FAM200A: variants seen among roughly 807,000 people sequenced by gnomAD.
FAM200A encodes the protein ZBED8 like.
FAM200A carries 26 observed loss-of-function variants against 44.2 expected under a neutral mutation model. The observed-to-expected ratio is 0.59, with a 90% confidence interval of 0.43 to 0.82. FAM200A has a LOEUF of 0.82. Among genes scored for constraint, FAM200A ranks in the 40% least tolerant of loss-of-function variants. The probability of loss-of-function intolerance (pLI) is 0.00; values close to 1 mark genes in which losing one functional copy is unlikely to be tolerated. For synonymous variants in FAM200A, 206 were observed against 244.4 expected (o/e 0.84, Z 1.47); for missense variants, 606 against 669.5 (o/e 0.91, Z 1.05).
upstream of FAM200A, among the ~76,000 whole-genome samples, chr7:99,553,097 A>ATTTTTTTTTTT (rs1433320975): frequency 2.6e-5 from 2 of 78,190 alleles, no homozygotes; most frequent in African/African-American, 1.8e-4. Flanking sequence ...ATATATATAT[A>ATTTTTTTTTTT]TATTTTTTTT....
At chr7:99,549,177 T>TTTTTTTTTTTTTTTTGAG (rs1554394154) in intron 1 of FAM200A, among the ~76,000 whole-genome samples, 1 of 147,614 alleles carries the variant, frequency 6.8e-6, no homozygotes, top group African/African-American at 2.5e-5. Context: ...TTGTATTTCT[T>TTTTTTTTTTTTTTTTGAG]AAAAATAAGA....
upstream of FAM200A, among the ~76,000 whole-genome samples, chr7:99,553,099 A>ATATTT (rs1254408398): frequency 6.5e-5 from 4 of 61,416 alleles, no homozygotes; most frequent in African/African-American, 2.0e-4. Flanking sequence ...ATATATATAT[A>ATATTT]TTTTTTTTTT....
chr7:99,553,285 A>C (rs1367656820), upstream of FAM200A, among the ~76,000 whole-genome samples: 2 of 151,098 alleles, frequency 1.3e-5, no homozygotes, highest in Non-Finnish European at 2.9e-5. Flanking sequence ...ACATTGCTAC[A>C]CACTGTATTT....
At chr7:99,553,095 A>T (rs1285999844), upstream of FAM200A, among the ~76,000 whole-genome samples, 531 of 88,748 alleles carry the variant, frequency 6.0e-3, 4 homozygotes, top group East Asian at 0.016. Flanking sequence ...ATATATATAT[A>T]TATATTTTTT....
chr7:99,553,864 A>G (rs1802623529), upstream of FAM200A, among the ~76,000 whole-genome samples: 1 of 152,202 alleles, frequency 6.6e-6, no homozygotes, highest in African/African-American at 2.4e-5. Flanking sequence ...ATGAGTATGC[A>G]CCATGAATTT....
chr7:99,553,109 T>A (rs1157479277), upstream of FAM200A, among the ~76,000 whole-genome samples: 30 of 127,056 alleles, frequency 2.4e-4, no homozygotes, highest in African/African-American at 8.0e-4. Context: ...ATTTTTTTTT[T>A]TTTTTTTTTC....
chr7:99,555,925 AAAT>A (rs1371251379), upstream of FAM200A, among the ~76,000 whole-genome samples: 4 of 152,138 alleles, frequency 2.6e-5, no homozygotes, highest in African/African-American at 4.8e-5. Flanking sequence ...AAATAGTAAT[AAAT>A]AAAAAGTGGA....
Position 99,547,084 on chromosome 7 carries a change from T to C in FAM200A, c.1324A>G (p.Lys442Glu), listed in dbSNP as rs1306517540. Residue 442 changes from lysine (K) to glutamate (E), a missense_variant, in exon 2 of 2, where the codon AAA becomes GAA. Lys to Glu is a moderately conservative substitution (Grantham distance 56, BLOSUM62 1). Coordinates refer to ENST00000449309, the MANE Select transcript of FAM200A (RefSeq NM_145111.4). ...QTFNYYFPEE[K>E]FESLKENIWM... The stretch of plus-strand genomic sequence containing the variant: ...ATATTTTCCTTTAATGATTCAAATT[T>C]CTCTTCCGGAAAGTAATAATTAAAA... The C allele has an allele frequency of 1.2e-5, 18 of 1,546,542 alleles. No individual in the cohort carries two copies. Among genetic ancestry groups the C allele is most frequent in the Non-Finnish European group, 1.6e-5 (18 of 1,145,792 alleles).
At chr7:99,554,079 T>C (rs1802628383), upstream of FAM200A, among the ~76,000 whole-genome samples, 1 of 152,234 alleles carries the variant, frequency 6.6e-6, no homozygotes, top group African/African-American at 2.4e-5. Flanking sequence ...AGGGATCTGA[T>C]GCACTCAACC....
upstream of FAM200A, among the ~76,000 whole-genome samples, chr7:99,553,075 ATATATATATATATATATATATATATTTTT>A (rs1802584853): frequency 1.3e-5 from 1 of 74,158 alleles, no homozygotes; most frequent in African/African-American, 9.0e-5. Context: ...ACACACATAT[ATATATATATATATATATATATATATTTTT>A]TTTTTTTTTT....
upstream of FAM200A, among the ~76,000 whole-genome samples, chr7:99,553,068 C>CATATATATATATATATAT (rs745655559): frequency 1.1e-4 from 10 of 89,352 alleles, no homozygotes; most frequent in South Asian, 8.5e-4. Context: ...TATATACACA[C>CATATATATATATATATAT]ACATATATAT....
upstream of FAM200A, among the ~76,000 whole-genome samples, chr7:99,553,088 TA>T (rs1802591105): frequency 5.0e-5 from 5 of 100,470 alleles, no homozygotes; most frequent in Admixed American, 2.0e-4. Flanking sequence ...TATATATATA[TA>T]TATATATATA....
chr7:99,547,895 A>T lies in FAM200A; in HGVS notation c.513T>A (p.Asp171Glu). ...AATTTAAATTTAAACAACATAAGAG[A>T]TCCTCTACAAAATCATCTTGCCACA... ...RYVWQDDFVE[D>E]LLCCLNLNSH... The change falls in exon 2 of 2, where the codon GAT becomes GAA. Residue 171 changes from aspartate to glutamate, a missense_variant. Asp to Glu is a conservative substitution (Grantham distance 45, BLOSUM62 2). Transcript: ENST00000449309. The T allele has an allele frequency of 6.4e-7, 1 of 1,551,240 alleles. No individual in the cohort carries two copies. The highest frequency in any genetic ancestry group is 8.7e-7 in the Non-Finnish European group (1 of 1,146,990).
chr7:99,556,170 T>C (rs1263050963), upstream of FAM200A, among the ~76,000 whole-genome samples: 1 of 152,192 alleles, frequency 6.6e-6, no homozygotes, highest in Non-Finnish European at 1.5e-5. Context: ...TGTACTGCCT[T>C]AGTAAGAAGT....
At chr7:99,558,466 A>G (rs1245518481) in exon 1 of FAM200A, 1 of 152,318 alleles carries the variant, frequency 6.6e-6, no homozygotes, top group Non-Finnish European at 1.5e-5. Flanking sequence ...AAAGACGTGG[A>G]AAAGCTGCGA....
At position 99,546,920 on chromosome 7, in the gene FAM200A, T is replaced by A; in HGVS notation, c.1488A>T (p.Ser496=). 6.5e-7 allele frequency: 1 copy of A among 1,549,096 alleles called. No individual in the cohort carries two copies. The highest frequency in any genetic ancestry group is 8.7e-7 in the Non-Finnish European group (1 of 1,146,360). The part of the protein sequence containing the change: ...LKNYYKILSL[S]AFWIKIKDDF... ...CATCTTTAATCTTAATCCAAAATGC[T>A]GATAAACTTAATATCTTATAATAAT... Residue 496 remains serine, a synonymous_variant, in exon 2 of 2, where the codon TCA becomes TCT. Transcript: ENST00000449309.
intron 1 of FAM200A, chr7:99,558,150 C>T (rs1197215450): frequency 6.6e-6 from 1 of 152,334 alleles, no homozygotes; most frequent in East Asian, 1.9e-4. Context: ...ATTTCGATCC[C>T]ACAACTTAGT....
intron 1 of FAM200A, among the ~76,000 whole-genome samples, chr7:99,557,250 G>C (rs555960539): frequency 6.6e-6 from 1 of 152,170 alleles, no homozygotes; most frequent in African/African-American, 2.4e-5. Context: ...CCAATTGCCT[G>C]AGTCAGCTAA....
chr7:99,553,218 C>T (rs766761070), upstream of FAM200A, among the ~76,000 whole-genome samples: 2 of 150,338 alleles, frequency 1.3e-5, no homozygotes, highest in Non-Finnish European at 1.5e-5. Context: ...CAACTTATTC[C>T]TCCAGATACA....
Sources: gnomAD v4.1 joint callset for allele counts (sites outside exome capture counted in the v4.1 genomes callset) on GRCh38, gnomAD v4.1.1 for gene constraint, MANE v1.5 for transcripts, NCBI Gene and HGNC (gene_info 2026-07-23, HGNC 2026-07-21) for gene names.